CNTN5: variants seen among roughly 807,000 people sequenced by gnomAD.
CNTN5 encodes contactin-5.
In CNTN5, 77 loss-of-function variants were observed where a neutral mutation model predicts 129.1. The ratio of observed to expected loss-of-function variants is 0.60; its 90% confidence interval spans 0.50 to 0.72. The LOEUF is 0.72. Among genes scored for constraint, CNTN5 ranks in the 30% least tolerant of loss-of-function variants. CNTN5 has a pLI of 0.00. For missense variants in CNTN5, 1,478 were observed against 1,328.8 expected, an observed-to-expected ratio of 1.11 and a Z score of -1.75; for synonymous variants, 509 against 465.6, an observed-to-expected ratio of 1.09 and a Z score of -1.20.
chr11:99,569,752 G>T (rs958426905), intron 3 of CNTN5, among the ~76,000 whole-genome samples: 2 of 151,950 alleles, frequency 1.3e-5, no homozygotes, highest in African/African-American at 4.8e-5. Context: ...TTTTTCTTGG[G>T]TTTAGAGGGA....
chr11:99,717,785 C>T (rs1943027914), intron 3 of CNTN5, among the ~76,000 whole-genome samples: 1 of 152,096 alleles, frequency 6.6e-6, no homozygotes, highest in South Asian at 2.1e-4. Flanking sequence ...CCATAACTTA[C>T]ATGGCACATA....
At chr11:99,078,343 G>A (rs1865658994) in intron 1 of CNTN5, among the ~76,000 whole-genome samples, 1 of 152,140 alleles carries the variant, frequency 6.6e-6, no homozygotes, top group African/African-American at 2.4e-5. Flanking sequence ...ATGTAAATGT[G>A]TACAGGTACT....
At chr11:99,811,945 T>C (rs1297196291) in intron 3 of CNTN5, among the ~76,000 whole-genome samples, 1 of 152,146 alleles carries the variant, frequency 6.6e-6, no homozygotes, top group Non-Finnish European at 1.5e-5. Flanking sequence ...GATGAAAATT[T>C]TTCTCTGAAA....
intron 1 of CNTN5, among the ~76,000 whole-genome samples, chr11:99,114,684 C>T (rs1333659275): frequency 6.6e-6 from 1 of 152,134 alleles, no homozygotes; most frequent in Non-Finnish European, 1.5e-5. Context: ...GTAATCAATA[C>T]ATAGCCATTC....
intron 18 of CNTN5, among the ~76,000 whole-genome samples, chr11:100,277,910 C>T (rs1950549701): frequency 6.6e-6 from 1 of 151,952 alleles, no homozygotes; most frequent in Admixed American, 6.6e-5. Context: ...GCACAGTTTC[C>T]CCAATGTTTT....
chr11:100,327,615 G>A (rs1367552847), intron 21 of CNTN5, among the ~76,000 whole-genome samples: 9 of 152,074 alleles, frequency 5.9e-5, no homozygotes, highest in Non-Finnish European at 1.0e-4. Flanking sequence ...TCAACAGATC[G>A]TGCCCTAAGT....
intron 1 of CNTN5, among the ~76,000 whole-genome samples, chr11:99,229,751 A>G (rs1426922390): frequency 6.6e-6 from 1 of 152,068 alleles, no homozygotes; most frequent in Non-Finnish European, 1.5e-5. Context: ...AAGACTTTGT[A>G]TAAGAACAGT....
At chr11:99,630,141 A>G (rs1273092519) in intron 3 of CNTN5, among the ~76,000 whole-genome samples, 1 of 151,734 alleles carries the variant, frequency 6.6e-6, no homozygotes. Context: ...TAATTCATTA[A>G]AAATAAAGAT....
intron 18 of CNTN5, among the ~76,000 whole-genome samples, chr11:100,296,887 G>A (rs997914458): frequency 1.3e-5 from 2 of 151,518 alleles, no homozygotes; most frequent in Non-Finnish European, 3.0e-5. Flanking sequence ...AATTGTTAAT[G>A]CAGGCTCATA....
chr11:99,467,121 AT>A (rs1362402012), intron 2 of CNTN5, among the ~76,000 whole-genome samples: 1 of 152,148 alleles, frequency 6.6e-6, no homozygotes, highest in African/African-American at 2.4e-5. Context: ...TTTGAAGATA[AT>A]TTCATTTTCT....
At chr11:99,068,666 AAGTTACAC>A (rs1185431255) in intron 1 of CNTN5, among the ~76,000 whole-genome samples, 1 of 152,188 alleles carries the variant, frequency 6.6e-6, no homozygotes, top group African/African-American at 2.4e-5. Context: ...TTACTAAAAG[AAGTTACAC>A]AGTTAATTTT....
At chr11:99,392,137 G>A (rs1350793501) in intron 2 of CNTN5, among the ~76,000 whole-genome samples, 1 of 151,502 alleles carries the variant, frequency 6.6e-6, no homozygotes, top group Non-Finnish European at 1.5e-5. Flanking sequence ...ATATTTGCGT[G>A]ACTATTTAAA....
chr11:100,124,010 G>C (rs1160413585), intron 13 of CNTN5, among the ~76,000 whole-genome samples: 1 of 151,952 alleles, frequency 6.6e-6, no homozygotes, highest in Non-Finnish European at 1.5e-5. Context: ...AAACCAAAAA[G>C]TTCTTGTTCT....
chr11:99,274,611 C>T (rs1863336709), intron 1 of CNTN5, among the ~76,000 whole-genome samples: 1 of 151,436 alleles, frequency 6.6e-6, no homozygotes, highest in Non-Finnish European at 1.5e-5. Context: ...TAGCAATCCT[C>T]ATCTTGAGAT....
chr11:99,319,472 A>G (rs1366682867), intron 1 of CNTN5, among the ~76,000 whole-genome samples: 1 of 152,082 alleles, frequency 6.6e-6, no homozygotes. Flanking sequence ...GCTGACCCCT[A>G]TTAGAGAACT....
intron 3 of CNTN5, among the ~76,000 whole-genome samples, chr11:99,672,224 C>CT (rs974613964): frequency 6.6e-6 from 1 of 152,190 alleles, no homozygotes; most frequent in African/African-American, 2.4e-5. Flanking sequence ...TTCACTCAAA[C>CT]TTTTTTCCTT....
chr11:99,888,021 G>A (rs910431309), intron 6 of CNTN5, among the ~76,000 whole-genome samples: 3 of 152,120 alleles, frequency 2.0e-5, no homozygotes, highest in African/African-American at 4.8e-5. Flanking sequence ...CACCTAGGGA[G>A]TGTTATTTAT....
intron 1 of CNTN5, among the ~76,000 whole-genome samples, chr11:99,106,046 C>T (rs1866978307): frequency 6.6e-6 from 1 of 152,088 alleles, no homozygotes; most frequent in Middle Eastern, 3.4e-3. Context: ...ACTTCATGGT[C>T]TAAGAAAATC....
intron 13 of CNTN5, among the ~76,000 whole-genome samples, chr11:100,180,852 C>T (rs929837980): frequency 6.6e-6 from 1 of 151,800 alleles, no homozygotes; most frequent in African/African-American, 2.4e-5. Context: ...AAAAGATTTT[C>T]AACATCATTA....
Sources: allele counts gnomAD v4.1 joint callset (sites outside exome capture counted in the v4.1 genomes callset), GRCh38; gene constraint gnomAD v4.1.1; transcripts MANE v1.5; gene names NCBI Gene and HGNC (gene_info 2026-07-23, HGNC 2026-07-21).